ZFP92: variants seen among roughly 807,000 people sequenced by gnomAD.
The protein encoded by ZFP92 is zinc finger protein 92 homolog.
Under a neutral mutation model 7.6 loss-of-function variants are expected in ZFP92, and 2 were observed. The ratio of observed to expected loss-of-function variants is 0.26; its 90% confidence interval spans 0.11 to 0.83. ZFP92 has a LOEUF of 0.83. Among genes scored for constraint, ZFP92 ranks in the 40% least tolerant of loss-of-function variants. The probability of loss-of-function intolerance (pLI) is 0.65; values close to 1 mark genes in which losing one functional copy is unlikely to be tolerated. For synonymous variants in ZFP92, 226 were observed against 183.6 expected, an observed-to-expected ratio of 1.23 and a Z score of -1.87; for missense variants, 324 against 408.3, an observed-to-expected ratio of 0.79 and a Z score of 1.78.
At chrX:153,414,386 C>T (rs1374046043) in intron 2 of ZFP92, among the ~76,000 whole-genome samples, 3 of 111,842 alleles carry the variant, frequency 2.7e-5, no homozygotes, top group Admixed American at 9.4e-5. Context: ...CTAGCTTTGT[C>T]GCCCAGGCTG....
At position 153,420,998 on chromosome X, in the gene ZFP92, C is replaced by T. The variant is rs782397725; in HGVS notation, c.621C>T (p.Pro207=). ...EHQRIHSGEK[P]YACPECSKTF... The stretch of plus-strand genomic sequence containing the variant: ...AGCGCATCCACAGCGGCGAGAAGCC[C>T]TACGCCTGCCCCGAGTGCAGCAAGA... Residue 207 remains proline, a synonymous_variant, in exon 6 of 6, where the codon CCC becomes CCT. Coordinates refer to ENST00000338647, the MANE Select transcript of ZFP92 (RefSeq NM_001136273.2). The T allele has an allele frequency of 4.2e-6, 5 of 1,200,799 alleles. No homozygotes were observed. The highest frequency in any genetic ancestry group is 5.6e-6 in the Non-Finnish European group (5 of 889,914).
chrX:153,417,584 G>A (rs2088963204), intron 2 of ZFP92, among the ~76,000 whole-genome samples: 1 of 112,058 alleles, frequency 8.9e-6, no homozygotes, highest in Admixed American at 9.5e-5. Flanking sequence ...TGGGGTCAGG[G>A]GACGCTGGCC....
At chrX:153,418,446 T>C in intron 3 of ZFP92, 91 bp downstream of exon 3, 10 of 1,078,681 alleles carry the variant, frequency 9.3e-6, no homozygotes, top group Middle Eastern at 5.3e-4. Flanking sequence ...GGGCTGAGCT[T>C]AGGCTGCCCT....
At chrX:153,420,162 C>CTGAG in intron 4 of ZFP92, 66 bp from the exon 5 acceptor site, 1 of 850,196 alleles carries the variant, frequency 1.2e-6, no homozygotes. Flanking sequence ...TGAGAATTGC[C>CTGAG]TGAGTTCAGG....
At chrX:153,413,453 G>A (rs1406195709) in intron 2 of ZFP92, among the ~76,000 whole-genome samples, 3 of 108,219 alleles carry the variant, frequency 2.8e-5, no homozygotes. Flanking sequence ...AGGGGTCCCG[G>A]GTCCGAGGCC....
chrX:153,421,313 C>T lies in ZFP92; in HGVS notation c.936C>T (p.Arg312=). 8.5e-7 allele frequency: 1 copy of T among 1,171,348 alleles called. No individual in the cohort carries two copies. The part of the protein sequence containing the change: ...KGVSQLIHHQ[R]SHSGERPFAC... ...TCTCGCAGCTCATCCACCACCAGCGCAGCCACAGCGGCGAGCGGCCCTTCG... is the reference window on the plus strand; with the variant it reads ...TCTCGCAGCTCATCCACCACCAGCGTAGCCACAGCGGCGAGCGGCCCTTCG... The change falls in exon 6 of 6, where the codon CGC becomes CGT. Residue 312 remains arginine, a synonymous_variant. Coordinates refer to ENST00000338647, the MANE Select transcript of ZFP92 (RefSeq NM_001136273.2).
chrX:153,420,476 C>T (rs1160546569), intron 5 of ZFP92, 144 bp downstream of exon 5: 12 of 896,486 alleles, frequency 1.3e-5, no homozygotes, highest in Non-Finnish European at 1.7e-5. Context: ...ACAGCAGCCC[C>T]GCTATCTCCA....
At position 153,420,820 on chromosome X, in the gene ZFP92, C is replaced by T. The variant is rs1427434804; in HGVS notation, c.443C>T (p.Ala148Val). The change falls in exon 6 of 6, where the codon GCG becomes GTG. Residue 148 changes from alanine (A) to valine (V), a missense_variant. Coordinates refer to ENST00000338647, the MANE Select transcript of ZFP92 (RefSeq NM_001136273.2). ...GCGGGGCCGCAGGGCCCCAAAGGCGCGGAGAAGCGGTACCTGTGCCAGCAG... is the reference window on the plus strand; with the variant it reads ...GCGGGGCCGCAGGGCCCCAAAGGCGTGGAGAAGCGGTACCTGTGCCAGCAG... The part of the protein sequence containing the change: ...SAAGPQGPKG[A>V]EKRYLCQQCG... 1 of 1,171,140 alleles carries T rather than the reference C, an allele frequency of 8.5e-7. No individual in the cohort carries two copies. The highest frequency in any genetic ancestry group is 1.1e-6 in the Non-Finnish European group (1 of 874,783).
chrX:153,420,710 C>A lies in ZFP92; in HGVS notation c.333C>A (p.Ala111=). ...ATTCTGGACGACAACTCCCCGGGGC[C>A]GATCCACAAGGTGGCAAGGAGGGGC... The part of the protein sequence containing the change: ...QKHSGRQLPG[A]DPQGGKEGQA... Residue 111 remains alanine, a synonymous_variant, in exon 6 of 6, where the codon GCC becomes GCA. Transcript: ENST00000338647. 1.7e-6 allele frequency: 2 copies of A among 1,148,662 alleles called. No homozygotes were observed. Among genetic ancestry groups the A allele is most frequent in the Non-Finnish European group, 2.3e-6 (2 of 862,015 alleles). The allele number at this position is 1,148,662 out of a possible 1,213,427, so 94.7% of individuals were successfully genotyped here. A position where few individuals can be genotyped will look rare whatever the true frequency, so the allele number is the denominator to read the frequency against.
At chrX:153,414,400 T>C (rs781860636) in intron 2 of ZFP92, among the ~76,000 whole-genome samples, 1 of 111,780 alleles carries the variant, frequency 8.9e-6, no homozygotes, top group East Asian at 2.8e-4. Context: ...CAGGCTGGAG[T>C]GCAGTGGTGC....
Position 153,420,911 on chromosome X carries a change from G to A in ZFP92, c.534G>A (p.Lys178=). The part of the protein sequence containing the change: ...IKHRIIHSGE[K]PYACPECGKL... Reference sequence around the variant, plus strand: ...ACCGCATCATCCACAGTGGCGAGAAGCCTTACGCGTGCCCCGAGTGCGGCA... The same window carrying A: ...ACCGCATCATCCACAGTGGCGAGAAACCTTACGCGTGCCCCGAGTGCGGCA... The change falls in exon 6 of 6, where the codon AAG becomes AAA. Residue 178 remains lysine, a synonymous_variant. Transcript: ENST00000338647. 1 of 1,189,284 alleles carries A rather than the reference G, an allele frequency of 8.4e-7. No individual in the cohort carries two copies.
chrX:153,411,606 G>A lies in ZFP92; in HGVS notation c.-165G>A, dbSNP rs2088907315. Among the ~76,000 whole-genome samples, 1 of 112,958 alleles carries A rather than the reference G, an allele frequency of 8.9e-6. No homozygotes were observed. Among genetic ancestry groups the A allele is most frequent in the Non-Finnish European group, 1.9e-5 (1 of 53,159 alleles). Reference sequence around the variant, plus strand: ...CCCCGCCCGCGTTTCCTGGGGACGCGGCCTCGGAGGGCTTCTAGGAGGAGG... The same window carrying A: ...CCCCGCCCGCGTTTCCTGGGGACGCAGCCTCGGAGGGCTTCTAGGAGGAGG... On this transcript the variant is annotated 5_prime_UTR_variant, in exon 1 of 6. Coordinates refer to ENST00000338647, the MANE Select transcript of ZFP92 (RefSeq NM_001136273.2).
intron 2 of ZFP92, 70 bp from the exon 3 acceptor site, chrX:153,418,235 T>G: frequency 2.7e-6 from 3 of 1,113,848 alleles, no homozygotes; most frequent in Non-Finnish European, 2.4e-6. Context: ...AGCAGGGTCT[T>G]CAAGCAGGTC....
intron 3 of ZFP92, 65 bp downstream of exon 3, chrX:153,418,420 C>G (rs2088972468): frequency 2.7e-6 from 3 of 1,131,085 alleles, no homozygotes; most frequent in African/African-American, 1.8e-5. Context: ...CTCCTCATGC[C>G]CAGGCCTCTC....
intron 2 of ZFP92, among the ~76,000 whole-genome samples, chrX:153,416,199 A>G (rs2088950081): frequency 9.0e-6 from 1 of 111,432 alleles, no homozygotes; most frequent in Non-Finnish European, 1.9e-5. Flanking sequence ...GCTGCGTTCA[A>G]ATCCAGTCAT....
rs781799563 is a variant in ZFP92, at chrX:153,421,576, GC to G, written c.1205del (p.Pro402ArgfsTer72). 2 of 1,046,015 alleles carry G rather than the reference GC, an allele frequency of 1.9e-6. No homozygotes were observed. The highest frequency in any genetic ancestry group is 2.5e-5 in the South Asian group (1 of 39,250). The allele number at this position is 1,046,015 out of a possible 1,213,427, so 86.2% of individuals were successfully genotyped here. A position where few individuals can be genotyped will look rare whatever the true frequency, so the allele number is the denominator to read the frequency against. On this transcript the variant is annotated frameshift_variant, in exon 6 of 6. Coordinates refer to ENST00000338647, the MANE Select transcript of ZFP92 (RefSeq NM_001136273.2). LOFTEE classifies it low-confidence loss of function (END_TRUNC). ...CCTGGGAGCGCGGTGGCGGCCACCA[GC>G]CCCCCGCGGCCGAGCACAGCCGCCA... Reference protein sequence around the residue: ...TGPGSAVAATSPPRPSTAARP... With the variant: ...TGPGSAVAATXPPRPSTAARP...
At position 153,423,135 on chromosome X, in the gene ZFP92, G is replaced by T; in HGVS notation, c.*1507G>T. The T allele has an allele frequency of 8.9e-6, 1 of 112,142 alleles. No homozygotes were observed. The highest frequency in any genetic ancestry group is 1.9e-5 in the Non-Finnish European group (1 of 53,130). 9.2% of individuals were successfully genotyped at this position (112,142 alleles called of 1,213,427 possible). On this transcript the variant is annotated 3_prime_UTR_variant, in exon 6 of 6. Coordinates refer to ENST00000338647, the MANE Select transcript of ZFP92 (RefSeq NM_001136273.2). ...GCGCTGTCCCCAGAGCTGGGCTCAG[G>T]AGCTCTGCCCCTTGGTGCTCTCAGC...
rs1247066588 is a variant in ZFP92, at chrX:153,418,818, A to G, written c.160+19A>G. The G allele has an allele frequency of 2.8e-5, 32 of 1,162,452 alleles. No homozygotes were observed. In the East Asian group the frequency reaches 9.8e-4, roughly 36 times the overall value. ...TCACTGGGTAAGTGATCCCTCCACG[A>G]CATACACACACCCAGTCCCACCTAC... On this transcript the variant is annotated intron_variant, in intron 4 of 5. Coordinates refer to ENST00000338647, the MANE Select transcript of ZFP92 (RefSeq NM_001136273.2).
Position 153,421,640 on chromosome X carries a change from C to A in ZFP92, c.*12C>A, listed in dbSNP as rs1454068018. On this transcript the variant is annotated 3_prime_UTR_variant, in exon 6 of 6. Coordinates refer to ENST00000338647, the MANE Select transcript of ZFP92 (RefSeq NM_001136273.2). ...CCAGCCGCCGCTGACTCCCCGCCAG[C>A]GCACCCAGGGCGCGGCCGGTCTGCG... is the stretch of plus-strand genomic sequence containing the variant. The A allele has an allele frequency of 5.4e-4, 523 of 960,494 alleles. No homozygotes were observed. Among genetic ancestry groups the A allele is most frequent in the Non-Finnish European group, 6.4e-4 (496 of 770,905 alleles). The allele number at this position is 960,494 out of a possible 1,213,427, so 79.2% of individuals were successfully genotyped here.
Sources: allele counts gnomAD v4.1 joint callset (sites outside exome capture counted in the v4.1 genomes callset), GRCh38; gene constraint gnomAD v4.1.1; transcripts MANE v1.5; gene names NCBI Gene and HGNC (gene_info 2026-07-23, HGNC 2026-07-21).